NCK2: variants seen among roughly 807,000 people sequenced by gnomAD.
NCK2 encodes cytoplasmic protein NCK2.
Under a neutral mutation model 33.9 loss-of-function variants are expected in NCK2, and 16 were observed. The ratio of observed to expected loss-of-function variants is 0.47; its 90% CI spans 0.32 to 0.72. NCK2 has a LOEUF of 0.72. Among genes scored for constraint, NCK2 ranks in the 30% least tolerant of loss-of-function variants. NCK2 has a pLI of 0.03. For missense variants in NCK2, 418 were observed against 537.3 expected (o/e 0.78, Z 2.19); for synonymous variants, 273 against 239.9 (o/e 1.14, Z -1.27).
chr2:105,831,877 T>A (rs1434692308), intron 2 of NCK2, among the ~76,000 whole-genome samples: 2 of 152,218 alleles, frequency 1.3e-5, no homozygotes, highest in South Asian at 4.1e-4. Context: ...CTATTTGAGG[T>A]CTTTTGTGGT....
intron 1 of NCK2, among the ~76,000 whole-genome samples, chr2:105,756,128 C>T (rs895197104): frequency 3.9e-5 from 6 of 152,172 alleles, no homozygotes; most frequent in Non-Finnish European, 8.8e-5. Context: ...CAAGTAGGAT[C>T]AGCCTAGAGA....
chr2:105,786,084 T>G (rs1023152328), intron 1 of NCK2, among the ~76,000 whole-genome samples: 3 of 152,126 alleles, frequency 2.0e-5, no homozygotes, highest in East Asian at 3.9e-4. Context: ...CCACTGCACA[T>G]CTCTCTATCA....
chr2:105,756,931 G>A (rs1473445383), intron 1 of NCK2, among the ~76,000 whole-genome samples: 1 of 152,020 alleles, frequency 6.6e-6, no homozygotes, highest in Non-Finnish European at 1.5e-5. Context: ...TCAGCCTCCC[G>A]AGTAGCTGGG....
intron 2 of NCK2, among the ~76,000 whole-genome samples, chr2:105,824,286 A>C (rs1474730989): frequency 2.0e-5 from 3 of 152,192 alleles, no homozygotes; most frequent in Non-Finnish European, 4.4e-5. Context: ...CTCACAGGGA[A>C]TGAGTGGGAA....
chr2:105,775,511 T>C (rs897103717), intron 1 of NCK2, among the ~76,000 whole-genome samples: 14 of 152,232 alleles, frequency 9.2e-5, no homozygotes, highest in African/African-American at 3.4e-4. Context: ...CAGTTGTCAT[T>C]GTAGCACATT....
At chr2:105,891,569 G>GAGGT (rs1678984420) in intron 4 of NCK2, among the ~76,000 whole-genome samples, 1 of 6,594 alleles carries the variant, frequency 1.5e-4, no homozygotes, top group Non-Finnish European at 3.8e-4. Context: ...TTTTTTTTTT[G>GAGGT]AGATTTTTCG....
At chr2:105,841,792 A>G (rs967480865) in intron 2 of NCK2, among the ~76,000 whole-genome samples, 1 of 152,210 alleles carries the variant, frequency 6.6e-6, no homozygotes, top group Non-Finnish European at 1.5e-5. Flanking sequence ...AAGATGACCA[A>G]ATGTGTTTTA....
chr2:105,806,812 G>A (rs1266240644), intron 1 of NCK2, among the ~76,000 whole-genome samples: 3 of 150,894 alleles, frequency 2.0e-5, no homozygotes, highest in South Asian at 2.1e-4. Flanking sequence ...AGGGGGCTTC[G>A]CAGTTACCAG....
chr2:105,763,059 G>T (rs188610069), intron 1 of NCK2, among the ~76,000 whole-genome samples: 20 of 152,238 alleles, frequency 1.3e-4, no homozygotes, highest in Admixed American at 1.3e-3. Flanking sequence ...TTAGCCAGGC[G>T]TGGTGGTATG....
intron 1 of NCK2, among the ~76,000 whole-genome samples, chr2:105,751,790 G>A (rs1487973724): frequency 6.6e-6 from 1 of 152,124 alleles, no homozygotes; most frequent in Non-Finnish European, 1.5e-5. Flanking sequence ...GCGTATGTGT[G>A]TTTTAATATG....
intron 3 of NCK2, among the ~76,000 whole-genome samples, chr2:105,875,766 C>CT (rs1678212182): frequency 6.6e-6 from 1 of 152,200 alleles, no homozygotes; most frequent in Non-Finnish European, 1.5e-5. Context: ...TGTAATTTTA[C>CT]TTTATAAGTC....
intron 2 of NCK2, among the ~76,000 whole-genome samples, chr2:105,817,065 A>G (rs988479707): frequency 1.2e-4 from 18 of 151,544 alleles, no homozygotes; most frequent in African/African-American, 4.4e-4. Flanking sequence ...AGTCTCAGCT[A>G]TTCGGGAGGC....
intron 2 of NCK2, among the ~76,000 whole-genome samples, chr2:105,824,010 C>T (rs370446000): frequency 6.6e-6 from 1 of 152,130 alleles, no homozygotes; most frequent in Non-Finnish European, 1.5e-5. Context: ...GCAGTGGTGA[C>T]GTCCCTCTTG....
intron 4 of NCK2, among the ~76,000 whole-genome samples, chr2:105,892,228 A>G (rs1228982489): frequency 1.3e-5 from 2 of 152,326 alleles, no homozygotes; most frequent in East Asian, 3.9e-4. Context: ...TTAATTTCTA[A>G]TAGGGTTAGA....
At chr2:105,833,722 T>C (rs1676285734) in intron 2 of NCK2, among the ~76,000 whole-genome samples, 1 of 152,140 alleles carries the variant, frequency 6.6e-6, no homozygotes, top group Non-Finnish European at 1.5e-5. Flanking sequence ...TTCTACTAAT[T>C]TTGGGTTTGG....
intron 2 of NCK2, among the ~76,000 whole-genome samples, chr2:105,839,714 G>A (rs142938033): frequency 7.4e-4 from 112 of 152,304 alleles, no homozygotes; most frequent in Non-Finnish European, 1.2e-3. Flanking sequence ...CAGGAGTCTG[G>A]CATTTGGGGA....
intron 1 of NCK2, among the ~76,000 whole-genome samples, chr2:105,762,765 T>A (rs986993868): frequency 6.6e-6 from 1 of 152,218 alleles, no homozygotes; most frequent in Non-Finnish European, 1.5e-5. Context: ...AAATTATGGT[T>A]GTTATTAGCA....
intron 1 of NCK2, among the ~76,000 whole-genome samples, chr2:105,783,156 T>G (rs1297701127): frequency 6.6e-6 from 1 of 152,256 alleles, no homozygotes; most frequent in Non-Finnish European, 1.5e-5. Flanking sequence ...ACTGCTTTGC[T>G]TTCTGCCGCA....
chr2:105,748,382 AGTT>A (rs762530190), intron 1 of NCK2, among the ~76,000 whole-genome samples: 16 of 151,746 alleles, frequency 1.1e-4, no homozygotes, highest in African/African-American at 3.9e-4. Flanking sequence ...TCTTTCCTGC[AGTT>A]GTTTTTTTTC....
Sources: gnomAD v4.1 joint callset for allele counts (sites outside exome capture counted in the v4.1 genomes callset) on GRCh38, gnomAD v4.1.1 for gene constraint, MANE v1.5 for transcripts, NCBI Gene and HGNC (gene_info 2026-07-23, HGNC 2026-07-21) for gene names.